Variants in OR2C1 observed in about 807,000 individuals in gnomAD.
OR2C1 encodes the protein olfactory receptor 2C1.
For synonymous variants in OR2C1, 209 were observed against 167.3 expected, an observed-to-expected ratio of 1.25 and a Z score of -1.92; for missense variants, 468 against 388.3, an observed-to-expected ratio of 1.21 and a Z score of -1.73.
At chr16:3,334,932 C>G in the OR2C1 span, among the ~76,000 whole-genome samples, 2 of 152,050 alleles carry the variant, frequency 1.3e-5, no homozygotes, top group Non-Finnish European at 2.9e-5. Context: ...GATTCTCCTG[C>G]CTTAGCCTCC....
rs892072192 is a variant in OR2C1, at chr16:3,357,165, G to A, written c.*286G>A. ...GTGACAGACCTGTCTCACTGTCTCT[G>A]TCTCTGTTGCCCACATGTTATTTAA... On this transcript the variant is annotated 3_prime_UTR_variant, in exon 1 of 1. Transcript: ENST00000304936. The A allele has an allele frequency of 8.5e-6, 3 of 351,288 alleles. No homozygotes were observed. Among genetic ancestry groups the A allele is most frequent in the Admixed American group, 8.9e-5 (2 of 22,416 alleles). The allele number at this position is 351,288 out of a possible 1,614,324, so 21.8% of individuals were successfully genotyped here.
At chr16:3,340,638 T>C in the OR2C1 span, among the ~76,000 whole-genome samples, 2 of 152,128 alleles carry the variant, frequency 1.3e-5, no homozygotes, top group African/African-American at 2.4e-5. Context: ...GAGATGGGGG[T>C]CCAACTTGAT....
upstream of OR2C1, among the ~76,000 whole-genome samples, chr16:3,352,357 C>T (rs1408071198): frequency 6.6e-6 from 1 of 152,096 alleles, no homozygotes; most frequent in African/African-American, 2.4e-5. Context: ...CCTCGTGATC[C>T]ACCCGCCTCG....
At chr16:3,334,370 T>A in the OR2C1 span, among the ~76,000 whole-genome samples, 13 of 151,222 alleles carry the variant, frequency 8.6e-5, no homozygotes, top group African/African-American at 2.9e-4. Context: ...TCTCTTGACC[T>A]TGTGATCCGC....
At chr16:3,324,054 T>C in the OR2C1 span, 2 of 383,018 alleles carry the variant, frequency 5.2e-6, no homozygotes, top group East Asian at 8.2e-5. Flanking sequence ...TTCAAAGCAT[T>C]TGAAACAATC....
At chr16:3,323,392 C>T in the OR2C1 span, 1 of 841,340 alleles carries the variant, frequency 1.2e-6, no homozygotes, top group Non-Finnish European at 2.0e-6. Context: ...CACCAAACTT[C>T]CCCAGGTGCT....
the OR2C1 span, among the ~76,000 whole-genome samples, chr16:3,345,426 C>A: frequency 6.6e-6 from 1 of 151,432 alleles, no homozygotes; most frequent in Non-Finnish European, 1.5e-5. Flanking sequence ...GCAGAGCTTG[C>A]AGTGAACGGA....
the OR2C1 span, among the ~76,000 whole-genome samples, chr16:3,326,662 GAGAA>G: frequency 6.6e-6 from 1 of 152,188 alleles, no homozygotes; most frequent in African/African-American, 2.4e-5. Flanking sequence ...ACCTCAGTAA[GAGAA>G]AGATTCTACC....
chr16:3,338,611 C>T, the OR2C1 span, among the ~76,000 whole-genome samples: 1 of 143,766 alleles, frequency 7.0e-6, no homozygotes, highest in Admixed American at 7.7e-5. Context: ...GCTCTCGGCT[C>T]ACTGCAAGCT....
Position 3,356,863 on chromosome 16 carries a change from G to A in OR2C1, c.923G>A (p.Gly308Glu). The A allele has an allele frequency of 6.3e-7, 1 of 1,594,980 alleles. No homozygotes were observed. The highest frequency in any genetic ancestry group is 1.1e-5 in the South Asian group (1 of 88,560). The change falls in exon 1 of 1, where the codon GGA (glycine) becomes GAA (glutamate). Residue 308 changes from glycine to glutamate, a missense_variant. Physicochemically the swap from Gly to Glu is moderately conservative, Grantham distance 98 (BLOSUM62 -2). Coordinates refer to ENST00000304936, the MANE Select transcript of OR2C1 (RefSeq NM_012368.3). The stretch of plus-strand genomic sequence containing the variant: ...GCACTGAGGAGGTTGCTGGGGAAAG[G>A]AAGAGAAGTTGGCTGAGAGAACACT... The part of the protein sequence containing the change: ...KGALRRLLGK[G>E]REVG
At chr16:3,328,170 G>T in the OR2C1 span, among the ~76,000 whole-genome samples, 5 of 152,184 alleles carry the variant, frequency 3.3e-5, no homozygotes, top group South Asian at 2.1e-4. Context: ...CCAGTGTCCT[G>T]ATAGTCAAGA....
chr16:3,345,234 C>T, the OR2C1 span, among the ~76,000 whole-genome samples: 1 of 151,730 alleles, frequency 6.6e-6, no homozygotes, highest in South Asian at 2.1e-4. Context: ...TTTGGGAGGC[C>T]GAGGTGGGCA....
the OR2C1 span, among the ~76,000 whole-genome samples, chr16:3,324,984 T>C: frequency 6.6e-6 from 1 of 152,066 alleles, no homozygotes; most frequent in Admixed American, 6.6e-5. Flanking sequence ...TTGTATTGTA[T>C]TGTGTTTTAT....
the OR2C1 span, among the ~76,000 whole-genome samples, chr16:3,329,389 A>G: frequency 6.6e-6 from 1 of 152,086 alleles, no homozygotes; most frequent in Non-Finnish European, 1.5e-5. Flanking sequence ...TTTATAGGAT[A>G]GATAAGAATA....
At chr16:3,345,918 C>G in the OR2C1 span, among the ~76,000 whole-genome samples, 15 of 135,894 alleles carry the variant, frequency 1.1e-4, no homozygotes, top group Non-Finnish European at 1.9e-4. Flanking sequence ...ACTGTAGCCT[C>G]GAGCTCCTGG....
At chr16:3,351,819 G>C (rs924061607), upstream of OR2C1, among the ~76,000 whole-genome samples, 4 of 151,482 alleles carry the variant, frequency 2.6e-5, no homozygotes, top group African/African-American at 9.7e-5. Flanking sequence ...TGCTTCTCTA[G>C]CCTTTTCCAG....
At chr16:3,332,626 T>A in the OR2C1 span, among the ~76,000 whole-genome samples, 1 of 152,094 alleles carries the variant, frequency 6.6e-6, no homozygotes, top group African/African-American at 2.4e-5. Context: ...GCTTGACTTA[T>A]TTCACTTACA....
chr16:3,347,268 G>A, the OR2C1 span, among the ~76,000 whole-genome samples: 63 of 47,332 alleles, frequency 1.3e-3, no homozygotes, highest in Admixed American at 6.4e-3. Flanking sequence ...AAAAAAAAAA[G>A]GAGCCAAGGA....
At chr16:3,323,432 ATGG>A in the OR2C1 span, 3 of 755,336 alleles carry the variant, frequency 4.0e-6, no homozygotes, top group Admixed American at 5.2e-5. Context: ...TGTCAGAGGG[ATGG>A]TGTTCTTATT....
Sources: gnomAD v4.1 joint callset for allele counts (sites outside exome capture counted in the v4.1 genomes callset) on GRCh38, gnomAD v4.1.1 for gene constraint, MANE v1.5 for transcripts, NCBI Gene and HGNC (gene_info 2026-07-23, HGNC 2026-07-21) for gene names.